Variants in SLC10A2 observed in about 807,000 individuals in gnomAD.
SLC10A2 encodes the protein ileal sodium/bile acid cotransporter.
In SLC10A2, 34 loss-of-function variants were observed where a neutral mutation model predicts 27.1. The observed-to-expected ratio is 1.26, with a 90% confidence interval of 0.96 to 1.67. The LOEUF (loss-of-function observed/expected upper bound fraction) is 1.67, where lower values mean the gene tolerates loss of function less well. Among genes scored for constraint, SLC10A2 ranks in the 40% most tolerant of loss-of-function variants. The pLI is 0.00. For missense variants in SLC10A2, 530 were observed against 444.4 expected, an observed-to-expected ratio of 1.19 and a Z score of -1.73; for synonymous variants, 205 against 174.0, an observed-to-expected ratio of 1.18 and a Z score of -1.40.
intron 2 of SLC10A2, among the ~76,000 whole-genome samples, chr13:103,054,196 CCTT>C (rs146115248): frequency 0.026 from 3,892 of 152,182 alleles, 68 homozygotes; most frequent in African/African-American, 0.038. Flanking sequence ...GTGCACACCT[CCTT>C]CTTTGCTCTC....
chr13:103,059,888 A>T lies in SLC10A2; in HGVS notation c.378-1506T>A, dbSNP rs1345027893. Among the ~76,000 whole-genome samples the T allele has an allele frequency of 2.0e-5, 3 of 152,234 alleles. No individual in the cohort carries two copies. The East Asian group carries it at 5.8e-4, about 29-fold the overall frequency. On this transcript the variant is annotated intron_variant, in intron 1 of 5. Transcript: ENST00000245312. ...TGGGACAAGAAGCGGAAGCTGACTT[A>T]AAAATCAAAAGAAAGCATGCAAGCG... is the stretch of plus-strand genomic sequence containing the variant.
In SLC10A2 at chr13:103,061,287, GAAGGTAATTT is replaced by G. The variant is rs753036356; in HGVS notation, c.378-2915_378-2906del. On this transcript the variant is annotated intron_variant, in intron 1 of 5. Transcript: ENST00000245312. ...ACTTATAATGAAAGTACTGGAGTTT[GAAGGTAATTT>G]TTTTCTCTGTTCCTTCCTCTCTTCT... Among the ~76,000 whole-genome samples the G allele has an allele frequency of 1.6e-4, 24 of 152,146 alleles. 1 individual carries two copies. Among genetic ancestry groups the G allele is most frequent in the Admixed American group, 4.6e-4 (7 of 15,280 alleles).
chr13:103,065,810 C>T, intron 1 of SLC10A2, 63 bp downstream of exon 1: 1 of 1,576,478 alleles, frequency 6.3e-7, no homozygotes, highest in South Asian at 1.1e-5. Flanking sequence ...TTCAGAATGC[C>T]ATAGGCTTCT....
chr13:103,053,124 GTGTA>G (rs1219028993), intron 2 of SLC10A2, among the ~76,000 whole-genome samples: 50 of 124,268 alleles, frequency 4.0e-4, no homozygotes. Context: ...GTGTGTGTGT[GTGTA>G]TGGCATACAA....
chr13:103,056,391 T>C (rs998857667), intron 2 of SLC10A2, among the ~76,000 whole-genome samples: 3 of 152,206 alleles, frequency 2.0e-5, no homozygotes, highest in African/African-American at 7.2e-5. Context: ...GAAGTGCTAA[T>C]TGATTTTTCA....
At chr13:103,056,484 CCATGAGT>C in intron 2 of SLC10A2, among the ~76,000 whole-genome samples, 1 of 152,032 alleles carries the variant, frequency 6.6e-6, no homozygotes, top group Non-Finnish European at 1.5e-5. Context: ...TTCAGTATTT[CCATGAGT>C]CATTTCTCAG....
In SLC10A2 at chr13:103,051,303, A is replaced by G; in HGVS notation, c.715T>C (p.Ser239Pro). 6.2e-7 allele frequency: 1 copy of G among 1,614,146 alleles called. No homozygotes were observed. The highest frequency in any genetic ancestry group is 1.1e-5 in the South Asian group (1 of 91,080). ...ATTCTAGCCAGAAGAAACCCCAGGG[A>G]GTAACCCGCCACAGGAAATATTGTT... ...IGTIFPVAGY[S>P]LGFLLARIAG... Residue 239 changes from serine (S) to proline (P), a missense_variant, in exon 4 of 6, where the codon TCC (serine) becomes CCC (proline). Coordinates refer to ENST00000245312, the MANE Select transcript of SLC10A2 (RefSeq NM_000452.3).
At chr13:103,050,631 A>C (rs1000277399) in intron 4 of SLC10A2, among the ~76,000 whole-genome samples, 1 of 152,216 alleles carries the variant, frequency 6.6e-6, no homozygotes, top group Non-Finnish European at 1.5e-5. Context: ...CTGCCTTGTA[A>C]GCCGAATGGT....
chr13:103,065,900 T>A lies in SLC10A2; in HGVS notation c.350A>T (p.Tyr117Phe), dbSNP rs777025534. 2 of 1,614,002 alleles carry A rather than the reference T, an allele frequency of 1.2e-6. No individual in the cohort carries two copies. The highest frequency in any genetic ancestry group is 1.3e-5 in the African/African-American group (1 of 74,906). The change falls in exon 1 of 6, where the codon TAT (tyrosine) becomes TTT (phenylalanine). Residue 117 changes from tyrosine (Y) to phenylalanine (F), a missense_variant. Transcript: ENST00000245312. ...PGGTASNILA[Y>F]WVDGDMDLSV... Reference sequence around the variant, plus strand: ...CAGGTCCATGTCGCCATCGACCCAATAGGCCAAGATATTGGAGGCAGTTCC... The same window carrying A: ...CAGGTCCATGTCGCCATCGACCCAAAAGGCCAAGATATTGGAGGCAGTTCC...
chr13:103,048,655 C>A (rs1875682363), intron 5 of SLC10A2, among the ~76,000 whole-genome samples: 1 of 152,074 alleles, frequency 6.6e-6, no homozygotes, highest in African/African-American at 2.4e-5. Context: ...AAAGAATTTT[C>A]AACTAGGTGA....
intron 1 of SLC10A2, 57 bp from the exon 2 acceptor site, chr13:103,058,439 G>A (rs1876007618): frequency 9.7e-7 from 1 of 1,031,548 alleles, no homozygotes; most frequent in Admixed American, 1.7e-5. Flanking sequence ...GGAAGATGCT[G>A]TTTTATTTTT....
chr13:103,064,666 C>T (rs1182383167), intron 1 of SLC10A2, among the ~76,000 whole-genome samples: 2 of 151,930 alleles, frequency 1.3e-5, no homozygotes, highest in Admixed American at 1.3e-4. Context: ...CTAAAAAGAC[C>T]TTATTGCTAT....
intron 5 of SLC10A2, 83 bp from the exon 6 acceptor site, chr13:103,046,343 A>T: frequency 1.7e-6 from 2 of 1,152,666 alleles, no homozygotes; most frequent in Non-Finnish European, 1.3e-6. Flanking sequence ...ATAACCTATG[A>T]TTCACATGGC....
At position 103,049,353 on chromosome 13, in the gene SLC10A2, G is replaced by C; in HGVS notation, c.855C>G (p.Val285=). ...TGTAGATGAGCGGGAAGGTGAATAC[G>C]ACATTGAGCTCCTCAGGAGTGAAGG... The part of the protein sequence containing the change: ...QLSFTPEELN[V]VFTFPLIYSI... The change falls in exon 5 of 6, where the codon GTC becomes GTG. Residue 285 remains valine, a synonymous_variant. Transcript: ENST00000245312. 1 of 1,613,978 alleles carries C rather than the reference G, an allele frequency of 6.2e-7. No homozygotes were observed. The highest frequency in any genetic ancestry group is 8.5e-7 in the Non-Finnish European group (1 of 1,179,922).
chr13:103,047,966 A>T (rs1661558068), intron 5 of SLC10A2, among the ~76,000 whole-genome samples: 1 of 152,142 alleles, frequency 6.6e-6, no homozygotes, highest in South Asian at 2.1e-4. Flanking sequence ...TTCCTGGAGC[A>T]GTGATAAATC....
At chr13:103,065,183 G>A (rs1876236764) in intron 1 of SLC10A2, among the ~76,000 whole-genome samples, 1 of 151,964 alleles carries the variant, frequency 6.6e-6, no homozygotes, top group African/African-American at 2.4e-5. Context: ...TTTTTTTCCA[G>A]TGCTAGTTCA....
rs1164938684 is a variant in SLC10A2 at position 103,065,855 on chromosome 13, A to C, written c.377+18T>G. The C allele has an allele frequency of 6.2e-7, 1 of 1,613,738 alleles. No homozygotes were observed. Among genetic ancestry groups the C allele is most frequent in the Non-Finnish European group, 8.5e-7 (1 of 1,179,934 alleles). ...ACTCCAAGGTGATTGCAGTAGTTAG[A>C]GGTATAGATAATCTTACCTCAGGTC... On this transcript the variant is annotated intron_variant, in intron 1 of 5. Coordinates refer to ENST00000245312, the MANE Select transcript of SLC10A2 (RefSeq NM_000452.3).
rs1169137478 is a variant in SLC10A2, at chr13:103,066,292, G to C, written c.-43C>G. 6.4e-7 allele frequency: 1 copy of C among 1,560,940 alleles called. No homozygotes were observed. The highest frequency in any genetic ancestry group is 8.7e-7 in the Non-Finnish European group (1 of 1,152,922). On this transcript the variant is annotated 5_prime_UTR_variant, in exon 1 of 6. Transcript: ENST00000245312. ...GAAAGGCCAAGTCCACAGAAGCGCT[G>C]GTCCCTGGGCCCTGGCTCTGCTGCT...
chr13:103,061,899 T>C (rs542875058), intron 1 of SLC10A2, among the ~76,000 whole-genome samples: 1 of 152,220 alleles, frequency 6.6e-6, no homozygotes, highest in Admixed American at 6.5e-5. Context: ...AATATTATCT[T>C]ACACGAAAAA....
Sources: gnomAD v4.1 joint callset for allele counts (sites outside exome capture counted in the v4.1 genomes callset) on GRCh38, gnomAD v4.1.1 for gene constraint, MANE v1.5 for transcripts, NCBI Gene and HGNC (gene_info 2026-07-23, HGNC 2026-07-21) for gene names.